CNTN4: variants seen among roughly 807,000 people sequenced by gnomAD.
CNTN4 encodes contactin-4.
In CNTN4, 77 loss-of-function variants were observed where a neutral mutation model predicts 122.5. That is an observed-to-expected ratio of 0.63 (90% CI 0.52 to 0.76). The LOEUF is 0.76. Among genes scored for constraint, CNTN4 ranks in the 30% least tolerant of loss-of-function variants. The pLI, the probability that CNTN4 is intolerant of heterozygous loss-of-function variation, is 0.00. For missense variants in CNTN4, 1,256 were observed against 1,259.1 expected (o/e 1.00, Z 0.04); for synonymous variants, 512 against 447.0 (o/e 1.15, Z -1.83).
chr3:2,731,277 G>A (rs536150562), intron 4 of CNTN4, among the ~76,000 whole-genome samples: 1 of 152,176 alleles, frequency 6.6e-6, no homozygotes, highest in East Asian at 1.9e-4. Context: ...CATGAAAGCA[G>A]ATTTTTTCAG....
At chr3:2,820,793 A>G (rs1445645510) in intron 7 of CNTN4, among the ~76,000 whole-genome samples, 1 of 151,810 alleles carries the variant, frequency 6.6e-6, no homozygotes, top group Non-Finnish European at 1.5e-5. Context: ...TCACAGTATC[A>G]CAGGATCAGA....
intron 6 of CNTN4, among the ~76,000 whole-genome samples, chr3:2,818,093 A>C (rs1243953360): frequency 1.3e-5 from 2 of 152,150 alleles, no homozygotes; most frequent in African/African-American, 4.8e-5. Flanking sequence ...ATTAGGTGTT[A>C]TGTGTCAGAC....
At position 2,709,661 on chromosome 3, in the gene CNTN4, C is replaced by T. The variant is rs2086994452; in HGVS notation, c.56-26554C>T. On this transcript the variant is annotated intron_variant, in intron 4 of 24. Transcript: ENST00000418658. The surrounding 1 kb of genome is among the most constrained non-coding windows in gnomAD (Gnocchi z 5.0). ...GGGTGCGGTGGCTCTCACCTGTAACCGCAGCACTTTGGGAGGCTGAGGCAG... is the reference window on the plus strand; with the variant it reads ...GGGTGCGGTGGCTCTCACCTGTAACTGCAGCACTTTGGGAGGCTGAGGCAG... 3.3e-5 allele frequency among the ~76,000 whole-genome samples: 5 copies of T among 152,070 alleles called. No individual in the cohort carries two copies. The highest frequency in any genetic ancestry group is 3.3e-4 in the Admixed American group (5 of 15,272).
At chr3:3,036,307 T>G (rs1417641505) in intron 17 of CNTN4, among the ~76,000 whole-genome samples, 1 of 152,208 alleles carries the variant, frequency 6.6e-6, no homozygotes, top group Non-Finnish European at 1.5e-5. Flanking sequence ...TGGGTTTCTG[T>G]GTTTCCTTCT....
At chr3:2,114,828 T>G (rs1559254765) in intron 2 of CNTN4, among the ~76,000 whole-genome samples, 1 of 152,244 alleles carries the variant, frequency 6.6e-6, no homozygotes, top group African/African-American at 2.4e-5. Flanking sequence ...CAATATATTT[T>G]CTGGCATCAT....
intron 4 of CNTN4, among the ~76,000 whole-genome samples, chr3:2,730,575 A>G (rs1228143165): frequency 6.6e-6 from 1 of 152,226 alleles, no homozygotes; most frequent in Non-Finnish European, 1.5e-5. Flanking sequence ...CTGTAAAAAT[A>G]AAAATAAAAA....
intron 3 of CNTN4, among the ~76,000 whole-genome samples, chr3:2,390,359 G>C (rs369204107): frequency 6.6e-6 from 1 of 151,892 alleles, no homozygotes; most frequent in Non-Finnish European, 1.5e-5. Flanking sequence ...CTTTCTGTAA[G>C]TCTGAAATGA....
chr3:2,966,682 C>T (rs760509146), intron 13 of CNTN4, among the ~76,000 whole-genome samples: 12 of 152,242 alleles, frequency 7.9e-5, no homozygotes, highest in Non-Finnish European at 1.3e-4. Flanking sequence ...ACCCCACTTA[C>T]CCTGATGGGA....
At chr3:2,234,330 A>T (rs1171312497) in intron 2 of CNTN4, among the ~76,000 whole-genome samples, 1 of 143,308 alleles carries the variant, frequency 7.0e-6, no homozygotes, top group Non-Finnish European at 1.5e-5. Context: ...GTGAGAAAAG[A>T]TCGCACCATT....
intron 2 of CNTN4, among the ~76,000 whole-genome samples, chr3:2,125,979 A>T (rs1265882086): frequency 1.3e-5 from 2 of 151,548 alleles, no homozygotes; most frequent in Non-Finnish European, 2.9e-5. Context: ...CATATTTAGG[A>T]TATACCTCGT....
chr3:3,017,118 C>T (rs963951026), intron 14 of CNTN4, among the ~76,000 whole-genome samples: 1 of 152,202 alleles, frequency 6.6e-6, no homozygotes, highest in Non-Finnish European at 1.5e-5. Context: ...TCCTTGTCTT[C>T]AGCCAAAATA....
rs184815657 is a variant in CNTN4 at position 2,218,735 on chromosome 3, A to G, written c.-145+118096A>G. Among the ~76,000 whole-genome samples the G allele has an allele frequency of 3.1e-3, 465 of 152,338 alleles. 3 individuals are homozygous for G. The highest frequency in any genetic ancestry group is 0.011 in the African/African-American group (447 of 41,574). ...TGTGGAGTAAAAGTTTACATACAGC[A>G]AAGAAGGATTGATTCCAGCCTACAA... On this transcript the variant is annotated intron_variant, in intron 2 of 24. Coordinates refer to ENST00000418658, the MANE Select transcript of CNTN4 (RefSeq NM_175607.3).
At chr3:2,198,028 GAA>G (rs5846169) in intron 2 of CNTN4, among the ~76,000 whole-genome samples, 8,242 of 138,024 alleles carry the variant, frequency 0.06, 527 homozygotes, top group East Asian at 0.37. Context: ...ACTCTCTCTG[GAA>G]AAAAAAAAAA....
At chr3:2,105,984 C>T (rs932371696) in intron 2 of CNTN4, among the ~76,000 whole-genome samples, 1 of 152,218 alleles carries the variant, frequency 6.6e-6, no homozygotes, top group Non-Finnish European at 1.5e-5. Flanking sequence ...AAAGGGGCTA[C>T]AGGCCCCATG....
chr3:2,473,647 G>C (rs1404600483), intron 3 of CNTN4, among the ~76,000 whole-genome samples: 3 of 152,166 alleles, frequency 2.0e-5, no homozygotes, highest in Non-Finnish European at 4.4e-5. Flanking sequence ...CAGCTGGGCA[G>C]TGATGCTTCA....
intron 13 of CNTN4, among the ~76,000 whole-genome samples, chr3:2,942,781 G>A (rs2094628878): frequency 6.6e-6 from 1 of 152,168 alleles, no homozygotes; most frequent in African/African-American, 2.4e-5. Context: ...GACTGTCTCA[G>A]AATCCTTAAT....
At chr3:2,295,782 G>GT (rs1225844835) in intron 2 of CNTN4, among the ~76,000 whole-genome samples, 3 of 152,068 alleles carry the variant, frequency 2.0e-5, no homozygotes, top group Non-Finnish European at 2.9e-5. Context: ...TATTGCCTAG[G>GT]TTTTTTTCTA....
intron 19 of CNTN4, chr3:3,039,296 T>C: frequency 3.0e-6 from 1 of 338,382 alleles, no homozygotes; most frequent in Non-Finnish European, 5.6e-6. Context: ...AACTAGTTTT[T>C]CTTTTCTTCC....
chr3:2,188,206 T>G (rs2037364584), intron 2 of CNTN4, among the ~76,000 whole-genome samples: 1 of 152,152 alleles, frequency 6.6e-6, no homozygotes, highest in Non-Finnish European at 1.5e-5. Context: ...CTTGTTCCTC[T>G]GGCCCTTCAA....
Sources: allele counts gnomAD v4.1 joint callset (sites outside exome capture counted in the v4.1 genomes callset), GRCh38; gene constraint gnomAD v4.1.1; non-coding constraint Gnocchi (gnomAD v3.1); transcripts MANE v1.5; gene names NCBI Gene and HGNC (gene_info 2026-07-23, HGNC 2026-07-21).